The following KIF26B variants were observed in gnomAD, a reference collection of about 807,000 sequenced individuals.
The protein encoded by KIF26B is kinesin-like protein KIF26B.
In KIF26B, 63 loss-of-function variants were observed where a neutral mutation model predicts 151.2. That is an observed-to-expected ratio of 0.42 (90% CI 0.34 to 0.51). The LOEUF (loss-of-function observed/expected upper bound fraction) is 0.51, where lower values mean the gene tolerates loss of function less well. Among genes scored for constraint, KIF26B ranks in the 20% least tolerant of loss-of-function variants. The probability of loss-of-function intolerance (pLI) is 0.07; values close to 1 mark genes in which losing one functional copy is unlikely to be tolerated. For missense variants in KIF26B, 2,813 were observed against 2,913.6 expected, an observed-to-expected ratio of 0.97 and a Z score of 0.79; for synonymous variants, 1,357 against 1,262.1, an observed-to-expected ratio of 1.08 and a Z score of -1.59.
intron 4 of KIF26B, among the ~76,000 whole-genome samples, chr1:245,535,058 C>T (rs771374711): frequency 1.3e-5 from 2 of 152,194 alleles, no homozygotes; most frequent in Non-Finnish European, 2.9e-5. Flanking sequence ...GCTGGGATTA[C>T]AGGCGTGAGC....
chr1:245,354,288 C>T (rs902841434), intron 2 of KIF26B, among the ~76,000 whole-genome samples: 4 of 152,152 alleles, frequency 2.6e-5, no homozygotes, highest in African/African-American at 7.2e-5. Flanking sequence ...TACAAAGTTA[C>T]CATGATGTAA....
rs1661576639 is a variant in KIF26B at position 245,540,005 on chromosome 1, T to C, written c.1167-762T>C. Among the ~76,000 whole-genome samples, 1 of 152,160 alleles carries C rather than the reference T, an allele frequency of 6.6e-6. No individual in the cohort carries two copies. The highest frequency in any genetic ancestry group is 2.4e-5 in the African/African-American group (1 of 41,434). ...GACACTTGAATGATGGACGATGTCA[T>C]TGGAACAGCCTATGTTATTAATGAT... On this transcript the variant is annotated intron_variant, in intron 4 of 14. Coordinates refer to ENST00000407071, the MANE Select transcript of KIF26B (RefSeq NM_018012.4). The surrounding 1 kb of genome is among the most constrained non-coding windows in gnomAD (Gnocchi z 4.6).
intron 3 of KIF26B, among the ~76,000 whole-genome samples, chr1:245,412,187 A>G (rs910623486): frequency 1.2e-4 from 18 of 152,234 alleles, no homozygotes; most frequent in Admixed American, 4.6e-4. Context: ...TGGATCAGAA[A>G]TATTTATCAA....
At chr1:245,624,539 C>A (rs1322860802) in intron 9 of KIF26B, among the ~76,000 whole-genome samples, 1 of 152,208 alleles carries the variant, frequency 6.6e-6, no homozygotes, top group East Asian at 1.9e-4. Context: ...CTTCTACACG[C>A]CCATTCGGCA....
chr1:245,596,426 C>T (rs2043336703), intron 5 of KIF26B, among the ~76,000 whole-genome samples: 1 of 152,186 alleles, frequency 6.6e-6, no homozygotes. Flanking sequence ...ACCCAATAGT[C>T]ATTCAGAAGC....
At chr1:245,542,986 G>A (rs541196827) in intron 5 of KIF26B, among the ~76,000 whole-genome samples, 1 of 152,248 alleles carries the variant, frequency 6.6e-6, no homozygotes, top group Non-Finnish European at 1.5e-5. Context: ...CAGATGATCA[G>A]CCAGCCTGGG....
At chr1:245,511,247 A>G (rs1572098817) in intron 4 of KIF26B, 1 of 656,300 alleles carries the variant, frequency 1.5e-6, no homozygotes, top group Non-Finnish European at 2.8e-6. Context: ...TGCATAAACC[A>G]TTTCAAAGAA....
intron 2 of KIF26B, among the ~76,000 whole-genome samples, chr1:245,282,286 A>C (rs1171071304): frequency 1.3e-5 from 2 of 152,200 alleles, no homozygotes; most frequent in African/African-American, 2.4e-5. Flanking sequence ...CGCATTGCCA[A>C]GTCAATCCTA....
rs1469137088 is a variant in KIF26B at position 245,184,047 on chromosome 1, G to GTTTTTTTTT, written c.465+27366_465+27367insTTTTTTTTT. Among the ~76,000 whole-genome samples, 29 of 9,228 alleles carry GTTTTTTTTT rather than the reference G, an allele frequency of 3.1e-3. 1 individual carries two copies. Among genetic ancestry groups the GTTTTTTTTT allele is most frequent in the African/African-American group, 3.2e-3 (9 of 2,772 alleles). The allele number at this position is 9,228 out of a possible 152,430, so 6.1% of individuals were successfully genotyped here. The stretch of plus-strand genomic sequence containing the variant: ...CCTGCAACAGGTATGGGTGGGAGTT[G>GTTTTTTTTT]TTGTTTTTTTTTTTTTTTTTTTGAG... On this transcript the variant is annotated intron_variant, in intron 2 of 14. Transcript: ENST00000407071.
rs577343048 is a variant in KIF26B at position 245,200,621 on chromosome 1, A to G, written c.465+43938A>G. Among the ~76,000 whole-genome samples, 6 of 152,274 alleles carry G rather than the reference A, an allele frequency of 3.9e-5. No homozygotes were observed. In the South Asian group the frequency reaches 8.3e-4, roughly 21 times the overall value. On this transcript the variant is annotated intron_variant, in intron 2 of 14. Transcript: ENST00000407071. ...TTCTTTAGCCCCTGCTTACTTTAAT[A>G]TACATTTTTTCTCTCTGTTTTCAGA...
In KIF26B at chr1:245,218,719, C is replaced by A. The variant is rs74153162; in HGVS notation, c.465+62036C>A. 3.9e-3 allele frequency among the ~76,000 whole-genome samples: 599 copies of A among 152,256 alleles called. 8 individuals are homozygous for A. The highest frequency in any genetic ancestry group is 0.014 in the African/African-American group (577 of 41,534). On this transcript the variant is annotated intron_variant, in intron 2 of 14. Transcript: ENST00000407071. This position sits in a 1 kb window ranked among gnomAD's most constrained non-coding sequence, Gnocchi z 4.1. ...CGCTCTAGCTCAGAATTTTAATAAG[C>A]AAATATACATGGTACCTTGCCGTAG...
At position 245,667,861 on chromosome 1, in the gene KIF26B, T is replaced by C. The variant is rs941972470; in HGVS notation, c.2259-16372T>C. On this transcript the variant is annotated intron_variant, in intron 10 of 14. Coordinates refer to ENST00000407071, the MANE Select transcript of KIF26B (RefSeq NM_018012.4). The surrounding 1 kb of genome is among the most constrained non-coding windows in gnomAD (Gnocchi z 4.3). ...GTAGCATGAGTCAGATGTGATTAAT[T>C]CCTAATTCCTTAGCTGCTTCTGTTT... 1.3e-5 allele frequency among the ~76,000 whole-genome samples: 2 copies of C among 152,252 alleles called. No homozygotes were observed. The highest frequency in any genetic ancestry group is 3.4e-3 in the Middle Eastern group (1 of 294).
intron 4 of KIF26B, among the ~76,000 whole-genome samples, chr1:245,426,147 ACT>A (rs1346074207): frequency 6.6e-6 from 1 of 150,840 alleles, no homozygotes; most frequent in African/African-American, 2.4e-5. Context: ...CTCATTATTG[ACT>A]CTGTTACATT....
chr1:245,430,795 T>A (rs926177780), intron 4 of KIF26B, among the ~76,000 whole-genome samples: 1 of 152,200 alleles, frequency 6.6e-6, no homozygotes, highest in African/African-American at 2.4e-5. Flanking sequence ...TTTATCCCAT[T>A]GTTTAGACGT....
intron 2 of KIF26B, among the ~76,000 whole-genome samples, chr1:245,341,701 G>A (rs1181549916): frequency 6.6e-6 from 1 of 152,076 alleles, no homozygotes; most frequent in Non-Finnish European, 1.5e-5. Flanking sequence ...TTATAAACTT[G>A]GTTCAACACA....
rs1462503516 is a variant in KIF26B at position 245,170,636 on chromosome 1, A to G, written c.465+13953A>G. ...TCTTGTGAGGTCTGCTTTTTGATTC[A>G]TAGATGGCACTGTCTTGCTGTGTCC... On this transcript the variant is annotated intron_variant, in intron 2 of 14. Coordinates refer to ENST00000407071, the MANE Select transcript of KIF26B (RefSeq NM_018012.4). The surrounding 1 kb of genome is among the most constrained non-coding windows in gnomAD (Gnocchi z 4.4). Among the ~76,000 whole-genome samples, 3 of 152,130 alleles carry G rather than the reference A, an allele frequency of 2.0e-5. No individual in the cohort carries two copies. Among genetic ancestry groups the G allele is most frequent in the Non-Finnish European group, 2.9e-5 (2 of 68,024 alleles).
intron 3 of KIF26B, among the ~76,000 whole-genome samples, chr1:245,390,928 A>AC (rs1372926691): frequency 0.024 from 2,818 of 116,954 alleles, 317 homozygotes; most frequent in African/African-American, 0.12. Context: ...TCTCAAAAAA[A>AC]AAAAAAAAAA....
Position 245,707,429 on chromosome 1 carries a change from T to TAATA in KIF26B, c.*4824_*4827dup, listed in dbSNP as rs2044856801. ...CCTATCCTGCTAACAGCCCACATTGTAATATTTGATTTATGAAGAAGTTCT... is the reference window on the plus strand; with the variant it reads ...CCTATCCTGCTAACAGCCCACATTGTAATAAATATTTGATTTATGAAGAAGTTCT... On this transcript the variant is annotated 3_prime_UTR_variant, in exon 15 of 15. Coordinates refer to ENST00000407071, the MANE Select transcript of KIF26B (RefSeq NM_018012.4). 1 of 152,212 alleles carries TAATA rather than the reference T, an allele frequency of 6.6e-6. No individual in the cohort carries two copies. Among genetic ancestry groups the TAATA allele is most frequent in the Admixed American group, 6.5e-5 (1 of 15,286 alleles). 9.4% of individuals were successfully genotyped at this position (152,212 alleles called of 1,614,324 possible).
chr1:245,558,282 C>T (rs1481932341), intron 5 of KIF26B, among the ~76,000 whole-genome samples: 5 of 152,234 alleles, frequency 3.3e-5, no homozygotes, highest in African/African-American at 1.2e-4. Context: ...CAGCCCAAGG[C>T]TGCAGGGGGC....
Sources: allele counts gnomAD v4.1 joint callset (sites outside exome capture counted in the v4.1 genomes callset), GRCh38; gene constraint gnomAD v4.1.1; non-coding constraint Gnocchi (gnomAD v3.1); transcripts MANE v1.5; gene names NCBI Gene and HGNC (gene_info 2026-07-23, HGNC 2026-07-21).